ARHGAP39: variants seen among roughly 807,000 people sequenced by gnomAD.
ARHGAP39 encodes the protein Rho GTPase activating protein 39, also known as rho GTPase-activating protein 39.
Under a neutral mutation model 106.9 loss-of-function variants are expected in ARHGAP39, and 44 were observed. The observed-to-expected ratio is 0.41, with a 90% confidence interval of 0.32 to 0.53. ARHGAP39 has a LOEUF of 0.53. Among genes scored for constraint, ARHGAP39 ranks in the 20% least tolerant of loss-of-function variants. The pLI, the probability that ARHGAP39 is intolerant of heterozygous loss-of-function variation, is 0.21. For missense variants in ARHGAP39, 1,496 were observed against 1,577.3 expected, an observed-to-expected ratio of 0.95 and a Z score of 0.87; for synonymous variants, 768 against 693.2, an observed-to-expected ratio of 1.11 and a Z score of -1.69.
intron 1 of ARHGAP39, among the ~76,000 whole-genome samples, chr8:144,605,983 C>T (rs1407971987): frequency 2.0e-5 from 3 of 152,240 alleles, no homozygotes; most frequent in Admixed American, 2.0e-4. Flanking sequence ...TGGGCCGGGG[C>T]AGGCACAAGC....
rs2130993941 is a variant in ARHGAP39, at chr8:144,647,646, G to A, written c.-82+38040C>T. 6.6e-6 allele frequency among the ~76,000 whole-genome samples: 1 copy of A among 152,382 alleles called. No individual in the cohort carries two copies. Among genetic ancestry groups the A allele is most frequent in the East Asian group, 1.9e-4 (1 of 5,190 alleles). On this transcript the variant is annotated intron_variant, in intron 1 of 11. Coordinates refer to ENST00000377307, the MANE Select transcript of ARHGAP39 (RefSeq NM_025251.3). The surrounding 1 kb of genome is among the most constrained non-coding windows in gnomAD (Gnocchi z 4.8). ...GATCAGGTCAGGACCTTTGGTGGGT[G>A]AGGGAAGGAATGACCAATCCAAGAC... is the stretch of plus-strand genomic sequence containing the variant.
At chr8:144,583,125 G>T (rs773759465) in intron 2 of ARHGAP39, among the ~76,000 whole-genome samples, 1 of 152,070 alleles carries the variant, frequency 6.6e-6, no homozygotes, top group East Asian at 1.9e-4. Flanking sequence ...CCGGGGTCTC[G>T]CCAGGCACCA....
In ARHGAP39 at chr8:144,555,562, G is replaced by A; in HGVS notation, c.594C>T (p.Tyr198=). The A allele has an allele frequency of 6.2e-7, 1 of 1,613,632 alleles. No individual in the cohort carries two copies. The highest frequency in any genetic ancestry group is 8.5e-7 in the Non-Finnish European group (1 of 1,179,678). ...CACGCCTGAGAGATGGGTTCTACCT[G>A]TAGTGAAGAAGCTGGCCGTCCGCAC... ...DYSADGQLLH[Y]RTSSLRWNSG... Residue 198 remains tyrosine (Y), a splice_region_variant and synonymous_variant, in exon 4 of 12, where the codon TAC becomes TAT. Coordinates refer to ENST00000377307, the MANE Select transcript of ARHGAP39 (RefSeq NM_025251.3).
intron 3 of ARHGAP39, among the ~76,000 whole-genome samples, chr8:144,569,159 G>T (rs1262705305): frequency 6.6e-6 from 1 of 152,174 alleles, no homozygotes; most frequent in Admixed American, 6.5e-5. Flanking sequence ...ATATTGGAGT[G>T]CCAAGATTAA....
At chr8:144,557,609 A>G (rs377531021) in intron 3 of ARHGAP39, among the ~76,000 whole-genome samples, 1 of 152,062 alleles carries the variant, frequency 6.6e-6, no homozygotes, top group East Asian at 1.9e-4. Flanking sequence ...TTCAGAGGCA[A>G]AGGCTGAACC....
At chr8:144,663,412 C>G (rs1212528035) in intron 1 of ARHGAP39, among the ~76,000 whole-genome samples, 1 of 152,116 alleles carries the variant, frequency 6.6e-6, no homozygotes, top group Non-Finnish European at 1.5e-5. Flanking sequence ...AAGAGAGAGA[C>G]AGCTCTCAAG....
At chr8:144,532,661 T>C (rs1333249101) in intron 9 of ARHGAP39, among the ~76,000 whole-genome samples, 2 of 152,162 alleles carry the variant, frequency 1.3e-5, no homozygotes, top group Non-Finnish European at 2.9e-5. Flanking sequence ...CCTGGGTGGA[T>C]GCCCTCACCA....
rs145265569 is a variant in ARHGAP39, at chr8:144,602,998, TGGA to T, written c.80+2534_80+2536del. On this transcript the variant is annotated intron_variant, in intron 2 of 11. Coordinates refer to ENST00000377307, the MANE Select transcript of ARHGAP39 (RefSeq NM_025251.3). ...GCTCGTGTACCTGTGTGCATGTGCG[TGGA>T]GGTGTGTGTGCGAGCTCATGTATCT... Among the ~76,000 whole-genome samples the T allele has an allele frequency of 1.3e-3, 168 of 126,204 alleles. 2 individuals are homozygous for T. The East Asian group carries it at 0.019, about 14-fold the overall frequency. The allele number at this position is 126,204 out of a possible 152,430, so 82.8% of individuals were successfully genotyped here.
rs901194205 is a variant in ARHGAP39, at chr8:144,548,204, C to G, written c.882G>C (p.Lys294Asn). The G allele has an allele frequency of 3.1e-6, 5 of 1,595,260 alleles. No homozygotes were observed. Among genetic ancestry groups the G allele is most frequent in the Middle Eastern group, 1.7e-4 (1 of 5,958 alleles). ...AGGAGGGCTGCGAGTCCCCGGAGGG[C>G]TTTCGGGGCTGGGCCAGCAGCGGGG... is the stretch of plus-strand genomic sequence containing the variant. ...SSSPLLAQPRKPSGDSQPSSP... is the reference protein window; with the variant it reads ...SSSPLLAQPRNPSGDSQPSSP... The change falls in exon 5 of 12, where the codon AAG (lysine) becomes AAC (asparagine). Residue 294 changes from lysine to asparagine, a missense_variant. Around this residue, in one of 4 missense-constraint regions of ARHGAP39, gnomAD observed 905 missense variants for 816.4 expected, o/e 1.11. Coordinates refer to ENST00000377307, the MANE Select transcript of ARHGAP39 (RefSeq NM_025251.3). This position sits in a 1 kb window ranked among gnomAD's most constrained non-coding sequence, Gnocchi z 7.4.
intron 1 of ARHGAP39, among the ~76,000 whole-genome samples, chr8:144,656,807 C>CAAAAAA (rs35058065): frequency 0.012 from 493 of 42,264 alleles, 76 homozygotes; most frequent in Non-Finnish European, 0.014. Flanking sequence ...GACTCCATCT[C>CAAAAAA]AAAAAAAAAA....
At chr8:144,590,038 C>G (rs1014644193) in intron 2 of ARHGAP39, among the ~76,000 whole-genome samples, 2 of 152,272 alleles carry the variant, frequency 1.3e-5, no homozygotes, top group Non-Finnish European at 2.9e-5. Flanking sequence ...ATTAGGCCAA[C>G]AAGGGTCTCT....
Position 144,548,243 on chromosome 8 carries a change from G to C in ARHGAP39, c.843C>G (p.Leu281=), listed in dbSNP as rs1817551080. 1 of 1,608,480 alleles carries C rather than the reference G, an allele frequency of 6.2e-7. No homozygotes were observed. Among genetic ancestry groups the C allele is most frequent in the Admixed American group, 1.7e-5 (1 of 59,546 alleles). ...CCAGCAGCGGGGAGCTGCTCCCTGGGAGCTCGGCCCTCTTCAGGAAGGGTG... is the reference window on the plus strand; with the variant it reads ...CCAGCAGCGGGGAGCTGCTCCCTGGCAGCTCGGCCCTCTTCAGGAAGGGTG... ...RPSPFLKRAE[L]PGSSSPLLAQ... is the part of the protein sequence containing the mutation. Residue 281 remains leucine (L), a synonymous_variant, in exon 5 of 12, where the codon CTC becomes CTG. Coordinates refer to ENST00000377307, the MANE Select transcript of ARHGAP39 (RefSeq NM_025251.3). The surrounding 1 kb of genome is among the most constrained non-coding windows in gnomAD (Gnocchi z 7.4).
chr8:144,674,574 C>T (rs1822182971), intron 1 of ARHGAP39, among the ~76,000 whole-genome samples: 2 of 152,212 alleles, frequency 1.3e-5, no homozygotes, highest in African/African-American at 4.8e-5. Context: ...CAGCCCAGCC[C>T]CCAGGCTTCA....
intron 2 of ARHGAP39, among the ~76,000 whole-genome samples, chr8:144,583,112 A>G (rs1819057758): frequency 1.3e-5 from 2 of 152,144 alleles, no homozygotes; most frequent in Non-Finnish European, 2.9e-5. Flanking sequence ...TTCCCTTCTC[A>G]GCCCGGGGTC....
At chr8:144,577,636 T>G (rs1818824194) in intron 3 of ARHGAP39, among the ~76,000 whole-genome samples, 1 of 152,148 alleles carries the variant, frequency 6.6e-6, no homozygotes, top group African/African-American at 2.4e-5. Flanking sequence ...ATCCCAGAGA[T>G]TATAAACGAA....
Position 144,646,602 on chromosome 8 carries a change from G to A in ARHGAP39, c.-82+39084C>T, listed in dbSNP as rs951691542. 9.9e-5 allele frequency among the ~76,000 whole-genome samples: 15 copies of A among 152,140 alleles called. No homozygotes were observed. The highest frequency in any genetic ancestry group is 2.1e-4 in the South Asian group (1 of 4,830). Reference sequence around the variant, plus strand: ...GAAGCCTCGTCCTTTCTGCACCACCGCACAATGTTAGAGCTCTGCGCCTGG... The same window carrying A: ...GAAGCCTCGTCCTTTCTGCACCACCACACAATGTTAGAGCTCTGCGCCTGG... On this transcript the variant is annotated intron_variant, in intron 1 of 11. Transcript: ENST00000377307. The surrounding 1 kb of genome is among the most constrained non-coding windows in gnomAD (Gnocchi z 5.7).
intron 1 of ARHGAP39, among the ~76,000 whole-genome samples, chr8:144,678,653 C>T (rs536664994): frequency 7.9e-5 from 12 of 152,342 alleles, no homozygotes; most frequent in African/African-American, 1.9e-4. Flanking sequence ...CTCGCCTAGA[C>T]GCTCTGAGCC....
chr8:144,572,359 A>G (rs1054381184), intron 3 of ARHGAP39, among the ~76,000 whole-genome samples: 9 of 152,216 alleles, frequency 5.9e-5, no homozygotes, highest in Non-Finnish European at 1.0e-4. Flanking sequence ...CAAACCTTAC[A>G]AAAACAAGAA....
chr8:144,584,501 G>A (rs1819111129), intron 2 of ARHGAP39, among the ~76,000 whole-genome samples: 1 of 152,096 alleles, frequency 6.6e-6, no homozygotes, highest in Non-Finnish European at 1.5e-5. Context: ...GGTGGCTCAG[G>A]CCTGTAATCC....
Sources: gnomAD v4.1 joint callset for allele counts (sites outside exome capture counted in the v4.1 genomes callset) on GRCh38, gnomAD v4.1.1 for gene constraint, gnomAD v4.1.1 regional missense constraint, Gnocchi (gnomAD v3.1) non-coding constraint, MANE v1.5 for transcripts, NCBI Gene and HGNC (gene_info 2026-07-23, HGNC 2026-07-21) for gene names.